SHISA9: variants seen among roughly 807,000 people sequenced by gnomAD.
SHISA9 encodes the protein protein shisa-9.
In SHISA9, 13 loss-of-function variants were observed where a neutral mutation model predicts 38.0. The ratio of observed to expected loss-of-function variants is 0.34; its 90% CI spans 0.22 to 0.54. SHISA9 has a LOEUF of 0.54. SHISA9 is among the 20% of genes least tolerant of loss of function. SHISA9 has a pLI of 0.91. For synonymous variants in SHISA9, 275 were observed against 242.0 expected (o/e 1.14, Z -1.27); for missense variants, 538 against 575.8 (o/e 0.93, Z 0.67).
At chr16:13,196,334 T>C (rs2050941104) in intron 2 of SHISA9, among the ~76,000 whole-genome samples, 1 of 142,658 alleles carries the variant, frequency 7.0e-6, no homozygotes. Flanking sequence ...GAGGCGGAGC[T>C]TGCAGTGAGC....
chr16:13,445,114 G>A, the SHISA9 span, among the ~76,000 whole-genome samples: 1 of 150,184 alleles, frequency 6.7e-6, no homozygotes, highest in African/African-American at 2.4e-5. Context: ...CACCCACCTC[G>A]GCCTCCCAAA....
chr16:13,184,236 C>T (rs2142034006), intron 2 of SHISA9, among the ~76,000 whole-genome samples: 1 of 152,282 alleles, frequency 6.6e-6, no homozygotes, highest in South Asian at 2.1e-4. Flanking sequence ...AACTAATCAC[C>T]TGTAAACGTC....
At chr16:13,098,966 A>G (rs1243844161) in intron 2 of SHISA9, among the ~76,000 whole-genome samples, 3 of 152,260 alleles carry the variant, frequency 2.0e-5, no homozygotes, top group Admixed American at 6.5e-5. Context: ...AGGATTGTAT[A>G]CAGGTGGGGC....
At chr16:12,917,703 G>A (rs905554617) in intron 2 of SHISA9, among the ~76,000 whole-genome samples, 2 of 152,196 alleles carry the variant, frequency 1.3e-5, no homozygotes, top group African/African-American at 2.4e-5. Context: ...AAGTAATGTG[G>A]AGGGTTTGGT....
At chr16:13,356,335 G>A in the SHISA9 span, among the ~76,000 whole-genome samples, 1 of 152,164 alleles carries the variant, frequency 6.6e-6, no homozygotes, top group African/African-American at 2.4e-5. Flanking sequence ...GTGTCTCACG[G>A]TTGCTGCCAA....
chr16:13,388,500 C>T, the SHISA9 span, among the ~76,000 whole-genome samples: 2 of 152,028 alleles, frequency 1.3e-5, 1 homozygote, highest in South Asian at 4.2e-4. Context: ...TTAGTAGAGA[C>T]AGGTTTTCAC....
At chr16:13,380,464 A>G in the SHISA9 span, among the ~76,000 whole-genome samples, 1 of 152,198 alleles carries the variant, frequency 6.6e-6, no homozygotes, top group Non-Finnish European at 1.5e-5. Flanking sequence ...AGAAGACACT[A>G]TAACAGTGAG....
intron 2 of SHISA9, among the ~76,000 whole-genome samples, chr16:13,167,080 T>TC (rs991039146): frequency 2.0e-5 from 3 of 148,630 alleles, no homozygotes; most frequent in African/African-American, 4.9e-5. Context: ...TTCTTTTTTT[T>TC]TTTTTTTTTG....
At chr16:13,350,953 C>T in the SHISA9 span, among the ~76,000 whole-genome samples, 4 of 152,062 alleles carry the variant, frequency 2.6e-5, no homozygotes, top group African/African-American at 9.7e-5. Context: ...TATTTTCTAC[C>T]GACAGTACTT....
At chr16:13,334,396 G>T in the SHISA9 span, among the ~76,000 whole-genome samples, 2,860 of 152,280 alleles carry the variant, frequency 0.019, 76 homozygotes, top group African/African-American at 0.065. Context: ...CTAGCAGAGG[G>T]TTCTTCTGTC....
intron 3 of SHISA9, among the ~76,000 whole-genome samples, chr16:13,210,504 C>T (rs1330784870): frequency 2.0e-5 from 3 of 152,186 alleles, no homozygotes; most frequent in African/African-American, 7.2e-5. Context: ...TTGCCAGAAT[C>T]ACAAGGCATT....
the SHISA9 span, among the ~76,000 whole-genome samples, chr16:13,312,284 G>C: frequency 6.6e-6 from 1 of 152,186 alleles, no homozygotes; most frequent in African/African-American, 2.4e-5. Context: ...AAAACAGACA[G>C]TGGGCCAGAT....
the SHISA9 span, among the ~76,000 whole-genome samples, chr16:13,327,739 C>T: frequency 6.6e-6 from 1 of 152,026 alleles, no homozygotes; most frequent in South Asian, 2.1e-4. Context: ...TCACTGAAAC[C>T]TCCGCCTCCC....
At chr16:13,334,647 G>A in the SHISA9 span, among the ~76,000 whole-genome samples, 19 of 151,788 alleles carry the variant, frequency 1.3e-4, no homozygotes, top group Admixed American at 3.9e-4. Flanking sequence ...GGTGGCGGGC[G>A]CCTGTAATCC....
chr16:12,953,393 G>A (rs1035224923), intron 2 of SHISA9, among the ~76,000 whole-genome samples: 9 of 152,112 alleles, frequency 5.9e-5, no homozygotes, highest in Non-Finnish European at 1.2e-4. Context: ...GAGAACCTGA[G>A]GCACAGAAAG....
chr16:13,263,264 C>G, the SHISA9 span, among the ~76,000 whole-genome samples: 1 of 152,110 alleles, frequency 6.6e-6, no homozygotes, highest in Non-Finnish European at 1.5e-5. Flanking sequence ...ACTCTATTGT[C>G]AGTGATATGG....
At chr16:13,494,218 C>A in the SHISA9 span, among the ~76,000 whole-genome samples, 6 of 152,180 alleles carry the variant, frequency 3.9e-5, no homozygotes, top group East Asian at 1.2e-3. Flanking sequence ...AGTGGGGCAA[C>A]TATTTCTCCT....
At chr16:13,206,191 AG>A (rs1197245511) in intron 3 of SHISA9, among the ~76,000 whole-genome samples, 2 of 152,244 alleles carry the variant, frequency 1.3e-5, no homozygotes, top group East Asian at 3.9e-4. Context: ...TTATTGGTAG[AG>A]GTCTTCTACT....
chr16:13,498,583 C>A, the SHISA9 span, among the ~76,000 whole-genome samples: 3 of 151,954 alleles, frequency 2.0e-5, no homozygotes, highest in Admixed American at 6.6e-5. Context: ...ACGGTAAAAC[C>A]CCATCTCTAC....
Sources: allele counts gnomAD v4.1 joint callset (sites outside exome capture counted in the v4.1 genomes callset), GRCh38; gene constraint gnomAD v4.1.1; transcripts MANE v1.5; gene names NCBI Gene and HGNC (gene_info 2026-07-23, HGNC 2026-07-21).